The following PDE4B variants were observed in gnomAD, a reference collection of about 807,000 sequenced individuals.
PDE4B encodes 3',5'-cyclic-AMP phosphodiesterase 4B.
A neutral mutation model predicts 82.2 loss-of-function variants in PDE4B; 20 were observed. The ratio of observed to expected loss-of-function variants is 0.24; its 90% CI spans 0.17 to 0.35. PDE4B has a LOEUF of 0.35. Among genes scored for constraint, PDE4B ranks in the 10% least tolerant of loss-of-function variants. PDE4B has a pLI of 1.00. For missense variants in PDE4B, 655 were observed against 907.2 expected (o/e 0.72, Z 3.57); for synonymous variants, 320 against 318.9 (o/e 1.00, Z -0.04).
intron 3 of PDE4B, among the ~76,000 whole-genome samples, chr1:66,156,692 C>T (rs1036676674): frequency 1.3e-5 from 2 of 152,114 alleles, no homozygotes; most frequent in African/African-American, 2.4e-5. Flanking sequence ...AACATTCTTG[C>T]GTCAGTCAAG....
chr1:65,995,267 T>G (rs1328352576), intron 3 of PDE4B, among the ~76,000 whole-genome samples: 2 of 152,176 alleles, frequency 1.3e-5, no homozygotes, highest in Non-Finnish European at 2.9e-5. Flanking sequence ...GACTAAGTCT[T>G]TATTTATATT....
At chr1:66,163,946 C>G (rs1308073407) in intron 3 of PDE4B, among the ~76,000 whole-genome samples, 1 of 152,132 alleles carries the variant, frequency 6.6e-6, no homozygotes, top group Non-Finnish European at 1.5e-5. Context: ...CATTTGTACT[C>G]TCAGATAACA....
intron 3 of PDE4B, among the ~76,000 whole-genome samples, chr1:66,243,600 A>G (rs890790619): frequency 1.2e-4 from 19 of 152,214 alleles, no homozygotes; most frequent in Non-Finnish European, 2.4e-4. Context: ...ATACTCTGGG[A>G]GATGGCATGA....
chr1:66,372,550 G>C lies in PDE4B; in HGVS notation c.2083G>C (p.Glu695Gln). The C allele has an allele frequency of 6.2e-7, 1 of 1,614,162 alleles. No individual in the cohort carries two copies. Among genetic ancestry groups the C allele is most frequent in the South Asian group, 1.1e-5 (1 of 91,088 alleles). ...DEEDSEGPEK[E>Q]GEGHSYFSST... ...GGAAGATTCTGAAGGACCTGAGAAG[G>C]AGGGAGAGGGACACAGCTATTTCAG... The change falls in exon 17 of 17, where the codon GAG becomes CAG. Residue 695 changes from glutamate (E) to glutamine (Q), a missense_variant. Transcript: ENST00000341517.
At chr1:65,963,411 T>G (rs1219810604) in intron 3 of PDE4B, among the ~76,000 whole-genome samples, 2 of 152,202 alleles carry the variant, frequency 1.3e-5, no homozygotes, top group Non-Finnish European at 2.9e-5. Context: ...AGTAAATGCC[T>G]ACTGCATTAA....
intron 3 of PDE4B, among the ~76,000 whole-genome samples, chr1:66,195,547 A>T (rs1357348803): frequency 1.3e-5 from 2 of 152,180 alleles, no homozygotes; most frequent in African/African-American, 4.8e-5. Flanking sequence ...ACTTAGTTTA[A>T]GAAAGAAGAA....
chr1:66,299,073 G>T (rs553270911), intron 7 of PDE4B, among the ~76,000 whole-genome samples: 1 of 152,042 alleles, frequency 6.6e-6, no homozygotes. Flanking sequence ...ATTTCTTTGT[G>T]TTGGGAACAT....
At chr1:66,228,722 C>T (rs965945049) in intron 3 of PDE4B, among the ~76,000 whole-genome samples, 10 of 151,880 alleles carry the variant, frequency 6.6e-5, no homozygotes, top group Admixed American at 2.6e-4. Context: ...AGGCCTGACA[C>T]GACTCAGTGT....
intron 3 of PDE4B, among the ~76,000 whole-genome samples, chr1:65,954,340 C>T (rs1649151345): frequency 6.6e-6 from 1 of 152,048 alleles, no homozygotes. Context: ...TAGTTCCTAG[C>T]TAATATTTTT....
At chr1:66,266,905 G>C in intron 7 of PDE4B, 1 of 309,002 alleles carries the variant, frequency 3.2e-6, no homozygotes, top group Non-Finnish European at 6.5e-6. Context: ...CTCACACTGA[G>C]ATCACCTAAT....
chr1:66,295,572 G>A (rs948955981), intron 7 of PDE4B, among the ~76,000 whole-genome samples: 3 of 152,060 alleles, frequency 2.0e-5, no homozygotes. Flanking sequence ...ACAACTACAG[G>A]TGCATACCAC....
At position 65,851,638 on chromosome 1, in the gene PDE4B, A is replaced by G. The variant is rs190251795; in HGVS notation, c.-71+58390A>G. On this transcript the variant is annotated intron_variant, in intron 1 of 16. Transcript: ENST00000341517. ...TTTTCCAACTATTTGTTGCTAGTAT[A>G]TAGAAATAAGCTTAATTTTTAAAAT... Among the ~76,000 whole-genome samples, 624 of 152,180 alleles carry G rather than the reference A, an allele frequency of 4.1e-3. 3 individuals carry two copies. Among genetic ancestry groups the G allele is most frequent in the African/African-American group, 0.014 (575 of 41,572 alleles).
intron 3 of PDE4B, among the ~76,000 whole-genome samples, chr1:66,105,979 G>C (rs576275775): frequency 6.6e-6 from 1 of 152,144 alleles, no homozygotes; most frequent in Non-Finnish European, 1.5e-5. Context: ...ACACTATGTT[G>C]AATAGGAGTG....
At chr1:66,263,459 T>A (rs1310856026) in intron 6 of PDE4B, among the ~76,000 whole-genome samples, 1 of 152,242 alleles carries the variant, frequency 6.6e-6, no homozygotes, top group Non-Finnish European at 1.5e-5. Context: ...AAAATATTCA[T>A]ATAGAGTATT....
At chr1:65,984,348 G>A (rs1424722218) in intron 3 of PDE4B, among the ~76,000 whole-genome samples, 2 of 152,142 alleles carry the variant, frequency 1.3e-5, no homozygotes, top group Non-Finnish European at 2.9e-5. Context: ...GACTATAAAG[G>A]TGTAGCAGAG....
intron 3 of PDE4B, among the ~76,000 whole-genome samples, chr1:65,920,844 T>C (rs560348593): frequency 1.5e-4 from 23 of 152,260 alleles, no homozygotes; most frequent in Admixed American, 3.9e-4. Context: ...ATATTGGTAA[T>C]TCATTTATAA....
intron 3 of PDE4B, among the ~76,000 whole-genome samples, chr1:65,988,028 A>G (rs757538116): frequency 1.3e-5 from 2 of 152,260 alleles, no homozygotes; most frequent in Non-Finnish European, 2.9e-5. Context: ...CCCAAATTCC[A>G]GAAATACAGT....
rs1291751024 is a variant in PDE4B, at chr1:66,000,844, T to G, written c.281+82009T>G. ...GGATAGTGTAGCTTCAAAGAGTGCT[T>G]CTTTCAAACTGTATTTTCTGGAAAA... On this transcript the variant is annotated intron_variant, in intron 3 of 16. Transcript: ENST00000341517. 2.0e-5 allele frequency among the ~76,000 whole-genome samples: 3 copies of G among 152,172 alleles called. No homozygotes were observed. The South Asian group carries it at 6.2e-4, about 32-fold the overall frequency.
In PDE4B at chr1:66,194,575, A is replaced by G. The variant is rs532033538; in HGVS notation, c.282-52885A>G. Reference sequence around the variant, plus strand: ...TATAACTCCTTTACATTTCTACTCCATGCTGAGCAGAAGGTTAATGAAGTA... The same window carrying G: ...TATAACTCCTTTACATTTCTACTCCGTGCTGAGCAGAAGGTTAATGAAGTA... On this transcript the variant is annotated intron_variant, in intron 3 of 16. Coordinates refer to ENST00000341517, the MANE Select transcript of PDE4B (RefSeq NM_002600.4). Among the ~76,000 whole-genome samples the G allele has an allele frequency of 1.0e-4, 15 of 148,594 alleles. No individual in the cohort carries two copies. In the South Asian group the frequency reaches 3.0e-3, roughly 30 times the overall value.
Sources: gnomAD v4.1 joint callset for allele counts (sites outside exome capture counted in the v4.1 genomes callset) on GRCh38, gnomAD v4.1.1 for gene constraint, MANE v1.5 for transcripts, NCBI Gene and HGNC (gene_info 2026-07-23, HGNC 2026-07-21) for gene names.